The following SYNC variants were observed in gnomAD, a reference collection of about 807,000 sequenced individuals.
SYNC encodes the protein syncoilin, intermediate filament protein.
A neutral mutation model predicts 49.5 loss-of-function variants in SYNC; 38 were observed. The observed-to-expected ratio is 0.77, with a 90% CI of 0.59 to 1.01. SYNC has a LOEUF of 1.01. SYNC is among the 50% of genes least tolerant of loss of function. The pLI, the probability that SYNC is intolerant of heterozygous loss-of-function variation, is 0.00. For synonymous variants in SYNC, 201 were observed against 230.8 expected (o/e 0.87, Z 1.17); for missense variants, 579 against 580.6 (o/e 1.00, Z 0.03).
At chr1:32,696,729 T>A (rs1271048639) in intron 1 of SYNC, among the ~76,000 whole-genome samples, 1 of 151,994 alleles carries the variant, frequency 6.6e-6, no homozygotes, top group Admixed American at 6.6e-5. Context: ...ATTATAGGCA[T>A]GAGCCACTGC....
chr1:32,695,613 C>G lies in SYNC; in HGVS notation c.485G>C (p.Ser162Thr). The G allele has an allele frequency of 6.4e-7, 1 of 1,551,604 alleles. No homozygotes were observed. Among genetic ancestry groups the G allele is most frequent in the South Asian group, 1.2e-5 (1 of 84,042 alleles). The change falls in exon 2 of 5, where the codon AGC (serine) becomes ACC (threonine). Residue 162 changes from serine (S) to threonine (T), a missense_variant. Coordinates refer to ENST00000409190, the MANE Select transcript of SYNC (RefSeq NM_030786.3). ...CTCTATGCTCAGGTTCTCCTCCATG[C>G]TGGGGCTCTGCTCGGCTCTGAGGCT... ...EESLRAEQSP[S>T]MEENLSIEDL... is the part of the protein sequence containing the mutation.
Position 32,702,036 on chromosome 1 carries a change from T to C in SYNC, c.53+572A>G, listed in dbSNP as rs1650688640. Among the ~76,000 whole-genome samples, 1 of 152,056 alleles carries C rather than the reference T, an allele frequency of 6.6e-6. No homozygotes were observed. The highest frequency in any genetic ancestry group is 2.4e-5 in the African/African-American group (1 of 41,414). Reference sequence around the variant, plus strand: ...GCCACAGTATGACCTGGGACAGAAATACACCTCACCCCAAACCCCTCAGCC... The same window carrying C: ...GCCACAGTATGACCTGGGACAGAAACACACCTCACCCCAAACCCCTCAGCC... On this transcript the variant is annotated intron_variant, in intron 1 of 4. Transcript: ENST00000409190. The surrounding 1 kb of genome is among the most constrained non-coding windows in gnomAD (Gnocchi z 6.2).
At chr1:32,702,898 G>C, upstream of SYNC, 1 of 176,098 alleles carries the variant, frequency 5.7e-6, no homozygotes. This position sits in a 1 kb window ranked among gnomAD's most constrained non-coding sequence, Gnocchi z 6.2. Flanking sequence ...GGGTGGGAAC[G>C]GGGGCCTGGA....
At chr1:32,689,183 G>A (rs1326366683) in intron 2 of SYNC, among the ~76,000 whole-genome samples, 72 of 132,720 alleles carry the variant, frequency 5.4e-4, no homozygotes, top group Admixed American at 2.5e-3. Flanking sequence ...TGATCCGCCC[G>A]CCTCGGCCTC....
chr1:32,688,590 T>C (rs969531989), intron 2 of SYNC, among the ~76,000 whole-genome samples: 1 of 152,222 alleles, frequency 6.6e-6, no homozygotes, highest in African/African-American at 2.4e-5. Flanking sequence ...TTGTCTGTTA[T>C]GCTTCCTTCT....
At chr1:32,687,054 C>G (rs1462475182) in intron 2 of SYNC, among the ~76,000 whole-genome samples, 2 of 152,120 alleles carry the variant, frequency 1.3e-5, no homozygotes, top group Non-Finnish European at 2.9e-5. Context: ...TTGGAAACCA[C>G]TAGTCTAAAG....
In SYNC at chr1:32,681,878, A is replaced by G; in HGVS notation, c.1439-18T>C. ...AACAGCCCCTGTAAAGTTGAAAGAA[A>G]AAGTTTATAACAGTGAACTTCTGAG... is the stretch of plus-strand genomic sequence containing the variant. On this transcript the variant is annotated intron_variant, in intron 4 of 4. Transcript: ENST00000409190. 6.2e-7 allele frequency: 1 copy of G among 1,612,270 alleles called. No individual in the cohort carries two copies. The highest frequency in any genetic ancestry group is 8.5e-7 in the Non-Finnish European group (1 of 1,178,280).
intron 2 of SYNC, among the ~76,000 whole-genome samples, chr1:32,692,227 C>CA (rs1375721517): frequency 1.3e-5 from 2 of 151,878 alleles, no homozygotes; most frequent in Admixed American, 6.6e-5. Flanking sequence ...GACTCCGTCT[C>CA]AAAAAATAAT....
chr1:32,695,344 C>T lies in SYNC; in HGVS notation c.754G>A (p.Glu252Lys), dbSNP rs1275624183. Residue 252 changes from glutamate to lysine, a missense_variant, in exon 2 of 5, where the codon GAA becomes AAA. Physicochemically the swap from Glu to Lys is moderately conservative, Grantham distance 56. Transcript: ENST00000409190. ...AGCTGGTATTGGTAGGCCACACATT[C>T]CTTTGTCACTTTGAAAAGCTTCTGC... ...VKQKLFKVTK[E>K]CVAYQYQLEC... 2 of 1,551,730 alleles carry T rather than the reference C, an allele frequency of 1.3e-6. No homozygotes were observed. The highest frequency in any genetic ancestry group is 1.4e-5 in the African/African-American group (1 of 73,062).
At chr1:32,689,160 C>T (rs887152748) in intron 2 of SYNC, among the ~76,000 whole-genome samples, 2 of 140,326 alleles carry the variant, frequency 1.4e-5, no homozygotes, top group Non-Finnish European at 3.1e-5. Context: ...AGGATGGTCT[C>T]GATCTTTTGA....
intron 1 of SYNC, among the ~76,000 whole-genome samples, chr1:32,697,941 G>C (rs1407400515): frequency 1.3e-5 from 2 of 151,908 alleles, no homozygotes; most frequent in African/African-American, 4.8e-5. Flanking sequence ...AGTGCCCCAG[G>C]GCTGGGCGAG....
At chr1:32,699,549 CT>C (rs1650586600) in intron 1 of SYNC, among the ~76,000 whole-genome samples, 1 of 152,072 alleles carries the variant, frequency 6.6e-6, no homozygotes, top group Non-Finnish European at 1.5e-5. Flanking sequence ...TCCTGTCTCA[CT>C]GGCACTTTTG....
At position 32,680,349 on chromosome 1, in the gene SYNC, T is replaced by C. The variant is rs1456619831; in HGVS notation, c.*1501A>G. On this transcript the variant is annotated 3_prime_UTR_variant, in exon 5 of 5. Transcript: ENST00000409190. Reference sequence around the variant, plus strand: ...GTCTGTGAAATGGTGTTTTTTTTTTTGTTGTTGGTTTTTTTTTTTTTTTTT... The same window carrying C: ...GTCTGTGAAATGGTGTTTTTTTTTTCGTTGTTGGTTTTTTTTTTTTTTTTT... 8.3e-7 allele frequency: 1 copy of C among 1,204,316 alleles called. No homozygotes were observed. The highest frequency in any genetic ancestry group is 1.7e-5 in the African/African-American group (1 of 58,622). 74.6% of individuals were successfully genotyped at this position (1,204,316 alleles called of 1,614,324 possible). A position where few individuals can be genotyped will look rare whatever the true frequency, so the allele number is the denominator to read the frequency against.
intron 2 of SYNC, among the ~76,000 whole-genome samples, chr1:32,689,939 CAAAAA>C (rs11320062): frequency 6.0e-5 from 6 of 100,626 alleles, no homozygotes; most frequent in South Asian, 3.2e-4. Context: ...GACACCGTCA[CAAAAA>C]AAAAAAAAAA....
chr1:32,694,740 G>T, intron 2 of SYNC, 125 bp downstream of exon 2: 1 of 900,648 alleles, frequency 1.1e-6, no homozygotes, highest in South Asian at 2.0e-5. Flanking sequence ...AAAATTGCGT[G>T]GCCCCAAAGA....
rs552676483 is a variant in SYNC, at chr1:32,684,332, C to T, written c.1284G>A (p.Val428=). 1.9e-6 allele frequency: 3 copies of T among 1,614,192 alleles called. No homozygotes were observed. Among genetic ancestry groups the T allele is most frequent in the Non-Finnish European group, 2.5e-6 (3 of 1,180,038 alleles). ...CTTTGTTCTTCTGTTGCTGGAGTTG[C>T]ACCCCATTTCTTAACTGCCTCTGGC... The part of the protein sequence containing the change: ...EERQRQLRNG[V]QLQQQKNKEM... The change falls in exon 3 of 5, where the codon GTG becomes GTA. Residue 428 remains valine, a synonymous_variant. Coordinates refer to ENST00000409190, the MANE Select transcript of SYNC (RefSeq NM_030786.3).
rs778441582 is a variant in SYNC, at chr1:32,694,877, C to T, written c.1221G>A (p.Val407=). ...CCAATGGGCCTACCCTGTACTGCTG[C>T]ACCTCTTCATCTCGTTTTTGCCTCA... ...ALVRQKRDEE[V]QQYREQLEEM... is the part of the protein sequence containing the mutation. The change falls in exon 2 of 5, where the codon GTG becomes GTA. Residue 407 remains valine, a synonymous_variant. Transcript: ENST00000409190. The T allele has an allele frequency of 1.2e-6, 2 of 1,605,804 alleles. No homozygotes were observed. Among genetic ancestry groups the T allele is most frequent in the Non-Finnish European group, 1.7e-6 (2 of 1,176,602 alleles).
intron 2 of SYNC, among the ~76,000 whole-genome samples, chr1:32,693,176 G>A (rs1011835440): frequency 2.7e-5 from 4 of 149,936 alleles, no homozygotes; most frequent in African/African-American, 4.9e-5. Flanking sequence ...TCCGCCTCCC[G>A]GGTTCAAGCG....
At chr1:32,684,229 A>G (rs1249390219) in intron 3 of SYNC, 29 bp downstream of exon 3, 1 of 1,613,886 alleles carries the variant, frequency 6.2e-7, no homozygotes, top group Non-Finnish European at 8.5e-7. Flanking sequence ...CCAGTATTAG[A>G]TGAGATTTGT....
Sources: gnomAD v4.1 joint callset for allele counts (sites outside exome capture counted in the v4.1 genomes callset) on GRCh38, gnomAD v4.1.1 for gene constraint, Gnocchi (gnomAD v3.1) non-coding constraint, MANE v1.5 for transcripts, NCBI Gene and HGNC (gene_info 2026-07-23, HGNC 2026-07-21) for gene names.